The following TDO2 variants were observed in gnomAD, a reference collection of about 807,000 sequenced individuals.
TDO2 encodes the protein tryptophan 2,3-dioxygenase.
TDO2 carries 63 observed loss-of-function variants against 61.2 expected under a neutral mutation model. That is an observed-to-expected ratio of 1.03 (90% CI 0.84 to 1.27). The LOEUF (loss-of-function observed/expected upper bound fraction) is 1.27, where lower values mean the gene tolerates loss of function less well. Ranked by LOEUF, TDO2 falls within the 50% of genes most tolerant of loss-of-function variation. The probability of loss-of-function intolerance (pLI) is 0.00; values close to 1 mark genes in which losing one functional copy is unlikely to be tolerated. For missense variants in TDO2, 494 were observed against 469.5 expected, an observed-to-expected ratio of 1.05 and a Z score of -0.48; for synonymous variants, 183 against 164.0, an observed-to-expected ratio of 1.12 and a Z score of -0.89.
intron 3 of TDO2, 128 bp from the exon 4 acceptor site, chr4:155,907,593 AT>A: frequency 1.6e-6 from 1 of 632,460 alleles, no homozygotes; most frequent in Non-Finnish European, 2.8e-6. Flanking sequence ...CAATGGGACT[AT>A]ATTTACATTT....
chr4:155,915,201 G>A (rs977347094), intron 8 of TDO2, among the ~76,000 whole-genome samples: 4 of 152,132 alleles, frequency 2.6e-5, no homozygotes, highest in Middle Eastern at 3.4e-3. Flanking sequence ...TTATTGTAAC[G>A]CATCCCAAAC....
chr4:155,909,904 TCCCCTCCC>T (rs1560776416), intron 5 of TDO2, 113 bp from the exon 6 acceptor site: 1 of 6,194 alleles, frequency 1.6e-4, no homozygotes, highest in African/African-American at 6.8e-4. Flanking sequence ...CCCTCCCCTC[TCCCCTCCC>T]CTCCCCTCCC....
chr4:155,908,110 G>A (rs1742753707), intron 4 of TDO2, among the ~76,000 whole-genome samples: 1 of 152,104 alleles, frequency 6.6e-6, no homozygotes, highest in South Asian at 2.1e-4. Flanking sequence ...TACCAGAATT[G>A]TATTTCTACT....
chr4:155,908,899 A>G lies in TDO2; in HGVS notation c.316A>G (p.Arg106Gly). The G allele has an allele frequency of 6.2e-7, 1 of 1,610,188 alleles. No individual in the cohort carries two copies. Among genetic ancestry groups the G allele is most frequent in the Non-Finnish European group, 8.5e-7 (1 of 1,178,328 alleles). The change falls in exon 5 of 12, where the codon AGG (arginine) becomes GGG (glycine). Residue 106 changes from arginine to glycine, a missense_variant. By Grantham distance (125) the Arg-to-Gly change is moderately radical. Coordinates refer to ENST00000536354, the MANE Select transcript of TDO2 (RefSeq NM_005651.4). ...IFQNGHVRDERNMLKVVSRMH... is the reference protein window; with the variant it reads ...IFQNGHVRDEGNMLKVVSRMH... ...TCTTAACCTTCAGGTCAGAGATGAA[A>G]GGAACATGCTTAAGGTTGTTTCTCG...
chr4:155,911,688 C>A, intron 7 of TDO2, 84 bp downstream of exon 7: 2 of 968,264 alleles, frequency 2.1e-6, no homozygotes, highest in Non-Finnish European at 1.4e-6. Context: ...TTTCTCTTAA[C>A]CTTTTCTCTT....
rs1742923460 is a variant in TDO2, at chr4:155,915,893, TTGA to T, written c.882_884del (p.Met294del). 1 of 1,610,356 alleles carries T rather than the reference TTGA, an allele frequency of 6.2e-7. No individual in the cohort carries two copies. The highest frequency in any genetic ancestry group is 8.5e-7 in the Non-Finnish European group (1 of 1,178,780). ...GTCATACAGAGCACTTCAGGGAGCA[TTGA>T]TGATATATTTTTACAGGTAAAGCAA... is the stretch of plus-strand genomic sequence containing the variant. On this transcript the variant is annotated inframe_deletion, in exon 9 of 12. Transcript: ENST00000536354.
At chr4:155,919,815 A>T in intron 11 of TDO2, 22 bp from the exon 12 acceptor site, 1 of 1,581,648 alleles carries the variant, frequency 6.3e-7, no homozygotes, top group Non-Finnish European at 8.6e-7. Context: ...AATGTAACAC[A>T]TCTTCATGTA....
At chr4:155,914,036 G>A (rs1324914138) in intron 7 of TDO2, among the ~76,000 whole-genome samples, 1 of 151,932 alleles carries the variant, frequency 6.6e-6, no homozygotes, top group Non-Finnish European at 1.5e-5. Flanking sequence ...ACTGCTGGTA[G>A]TTATCTCCAA....
At position 155,919,907 on chromosome 4, in the gene TDO2, A is replaced by C. The variant is rs756099122; in HGVS notation, c.1138A>C (p.Lys380Gln). Residue 380 changes from lysine to glutamine, a missense_variant, in exon 12 of 12, where the codon AAG becomes CAG. Transcript: ENST00000536354. ...CCTGATTCCCCGACACTGGATACCG[A>C]AGATGAACCCAACCATTCACAAATT... ...TYLIPRHWIP[K>Q]MNPTIHKFLY... 2 of 1,613,758 alleles carry C rather than the reference A, an allele frequency of 1.2e-6. No individual in the cohort carries two copies. Among genetic ancestry groups the C allele is most frequent in the East Asian group, 4.5e-5 (2 of 44,796 alleles).
chr4:155,917,848 A>T (rs1341836245), intron 10 of TDO2, among the ~76,000 whole-genome samples: 2 of 152,110 alleles, frequency 1.3e-5, no homozygotes, highest in Non-Finnish European at 2.9e-5. Context: ...TAAATGAAGG[A>T]CCCCATAAAG....
At chr4:155,909,932 CCCCTCTCCCCT>C (rs1742797320) in intron 5 of TDO2, 82 bp from the exon 6 acceptor site, 2 of 54,474 alleles carry the variant, frequency 3.7e-5, no homozygotes, top group African/African-American at 6.8e-5. Flanking sequence ...CCTCTCCCCT[CCCCTCTCCCCT>C]CCCCCCCCTT....
intron 4 of TDO2, among the ~76,000 whole-genome samples, chr4:155,908,402 C>A (rs1331266504): frequency 1.3e-5 from 2 of 148,948 alleles, no homozygotes; most frequent in Non-Finnish European, 3.0e-5. Flanking sequence ...ACCTCTGAGC[C>A]CCTGCTCCAA....
chr4:155,907,669 T>C, intron 3 of TDO2, 53 bp from the exon 4 acceptor site: 2 of 1,181,746 alleles, frequency 1.7e-6, no homozygotes, highest in Non-Finnish European at 2.5e-6. Flanking sequence ...CATATAATAA[T>C]GGCCAAAAAG....
chr4:155,911,477 A>T lies in TDO2; in HGVS notation c.619-20A>T. The T allele has an allele frequency of 6.3e-7, 1 of 1,589,244 alleles. No homozygotes were observed. Among genetic ancestry groups the T allele is most frequent in the Non-Finnish European group, 8.6e-7 (1 of 1,162,816 alleles). On this transcript the variant is annotated intron_variant, in intron 6 of 11. Coordinates refer to ENST00000536354, the MANE Select transcript of TDO2 (RefSeq NM_005651.4). ...CATAATTTTACCATGTACTCACTTA[A>T]AAAATAATGTTTATTTAAGGCATGG... is the stretch of plus-strand genomic sequence containing the variant.
At chr4:155,908,422 G>A (rs1159997644) in intron 4 of TDO2, among the ~76,000 whole-genome samples, 2 of 97,496 alleles carry the variant, frequency 2.1e-5, no homozygotes, top group African/African-American at 5.8e-5. Context: ...AGAAGGGCTA[G>A]GAGACAGAGC....
At chr4:155,907,072 C>T (rs1047602780) in intron 3 of TDO2, 1 of 152,168 alleles carries the variant, frequency 6.6e-6, no homozygotes, top group Non-Finnish European at 1.5e-5. Flanking sequence ...ACCTTGGACT[C>T]ATGGAAATTC....
At position 155,908,985 on chromosome 4, in the gene TDO2, G is replaced by A. The variant is rs773442564; in HGVS notation, c.402G>A (p.Thr134=). ...TGCAGCAGTTTTCCATTCTGGAGAC[G>A]ATGACAGCCTTGGACTTCAATGACT... ...LLVQQFSILE[T]MTALDFNDFR... The change falls in exon 5 of 12, where the codon ACG becomes ACA. Residue 134 remains threonine (T), a synonymous_variant. Coordinates refer to ENST00000536354, the MANE Select transcript of TDO2 (RefSeq NM_005651.4). 8.7e-6 allele frequency: 14 copies of A among 1,612,366 alleles called. No individual in the cohort carries two copies. In the Admixed American group the frequency reaches 1.0e-4, roughly 12 times the overall value.
At chr4:155,917,974 C>T (rs1375580409) in intron 10 of TDO2, among the ~76,000 whole-genome samples, 175 bp from the exon 11 acceptor site, 6 of 152,236 alleles carry the variant, frequency 3.9e-5, no homozygotes, top group African/African-American at 9.6e-5. Flanking sequence ...GCAAGTGGAG[C>T]GCTAGGCAAC....
intron 11 of TDO2, 139 bp from the exon 12 acceptor site, chr4:155,919,698 A>G (rs1743008484): frequency 1.5e-6 from 1 of 667,830 alleles, no homozygotes; most frequent in Non-Finnish European, 2.4e-6. Context: ...AATTTAATAT[A>G]TGATATATAC....
Sources: gnomAD v4.1 joint callset for allele counts (sites outside exome capture counted in the v4.1 genomes callset) on GRCh38, gnomAD v4.1.1 for gene constraint, MANE v1.5 for transcripts, NCBI Gene and HGNC (gene_info 2026-07-23, HGNC 2026-07-21) for gene names.